ATP11C: variants seen among roughly 807,000 people sequenced by gnomAD.
ATP11C encodes the protein phospholipid-transporting ATPase IG.
Under a neutral mutation model 97.4 loss-of-function variants are expected in ATP11C, and 36 were observed. The observed-to-expected ratio is 0.37, with a 90% CI of 0.28 to 0.49. ATP11C has a LOEUF of 0.49. ATP11C is among the 20% of genes least tolerant of loss of function. The pLI is 0.98. For synonymous variants in ATP11C, 275 were observed against 290.9 expected, an observed-to-expected ratio of 0.95 and a Z score of 0.56; for missense variants, 730 against 824.6, an observed-to-expected ratio of 0.89 and a Z score of 1.40.
At position 139,787,223 on chromosome X, in the gene ATP11C, T is replaced by G. The variant is rs770221486; in HGVS notation, c.1542A>C (p.Gly514=). The change falls in exon 15 of 30, where the codon GGA becomes GGC. Residue 514 remains glycine (G), a synonymous_variant. Coordinates refer to ENST00000682941, the MANE Select transcript of ATP11C (RefSeq NM_001353812.2). ...GAKRYGFTFL[G]NRNGYMRVEN... ...CTACTCTCATATATCCATTTCGATTTCCTAAAAATGTGAACCCGTACCTAT... is the reference window on the plus strand; with the variant it reads ...CTACTCTCATATATCCATTTCGATTGCCTAAAAATGTGAACCCGTACCTAT... 8.4e-7 allele frequency: 1 copy of G among 1,190,291 alleles called. No homozygotes were observed. Among genetic ancestry groups the G allele is most frequent in the South Asian group, 1.8e-5 (1 of 56,069 alleles).
At chrX:139,848,535 G>T (rs73243385) in intron 1 of ATP11C, among the ~76,000 whole-genome samples, 1 of 108,549 alleles carries the variant, frequency 9.2e-6, no homozygotes, top group South Asian at 4.1e-4. Context: ...TGTTGCCCAG[G>T]TTGGAGTGCA....
intron 28 of ATP11C, among the ~76,000 whole-genome samples, chrX:139,735,261 C>T (rs1370434276): frequency 9.0e-6 from 1 of 111,658 alleles, no homozygotes; most frequent in East Asian, 2.8e-4. Context: ...TCTCAAATGC[C>T]ATAGAGACAT....
intron 12 of ATP11C, 124 bp from the exon 13 acceptor site, chrX:139,789,612 G>A: frequency 4.2e-6 from 2 of 478,255 alleles, no homozygotes; most frequent in South Asian, 1.0e-4. Flanking sequence ...CTTGTCAAAT[G>A]TCAGGGAATT....
chrX:139,838,664 AAC>A (rs1445846916), intron 1 of ATP11C, among the ~76,000 whole-genome samples: 25 of 112,848 alleles, frequency 2.2e-4, no homozygotes, highest in Non-Finnish European at 3.7e-4. Context: ...AAAAGGTGGA[AAC>A]AGTCTGGTGC....
At position 139,757,844 on chromosome X, in the gene ATP11C, CTG is replaced by C; in HGVS notation, c.2662_2663del (p.Gln888ValfsTer16). 1.7e-6 allele frequency: 2 copies of C among 1,186,087 alleles called. No individual in the cohort carries two copies. The highest frequency in any genetic ancestry group is 2.3e-6 in the Non-Finnish European group (2 of 881,605). ...FYKNLCFILP[Q>X]FLYQFFCGFS... ...ATCCACAGAAGAACTGGTACAAAAA[CTG>C]TGGCAAAATGAAACAAAGGTTCTGA... On this transcript the variant is annotated frameshift_variant, in exon 23 of 30. Transcript: ENST00000682941. LOFTEE classifies it high-confidence loss of function.
chrX:139,930,900 G>C (rs770520095), intron 1 of ATP11C, among the ~76,000 whole-genome samples: 1 of 112,534 alleles, frequency 8.9e-6, no homozygotes, highest in South Asian at 3.6e-4. Context: ...GCAACGTTTT[G>C]ATTAGGAATA....
rs975795374 is a variant in ATP11C at position 139,921,369 on chromosome X, T to C, written c.27+10647A>G. 2.7e-5 allele frequency among the ~76,000 whole-genome samples: 3 copies of C among 111,266 alleles called. No individual in the cohort carries two copies. The Admixed American group carries it at 2.9e-4, about 11-fold the overall frequency. ...GATCTGACGGTTTCATAAGGGCCTC[T>C]TCCCCCCTTCACTCGGCACTTCTCC... On this transcript the variant is annotated intron_variant, in intron 1 of 29. Coordinates refer to ENST00000682941, the MANE Select transcript of ATP11C (RefSeq NM_001353812.2).
intron 1 of ATP11C, among the ~76,000 whole-genome samples, chrX:139,857,894 G>A (rs2084119045): frequency 8.9e-6 from 1 of 112,364 alleles, no homozygotes; most frequent in South Asian, 3.7e-4. Context: ...TTATGGTTTG[G>A]ATATCCCCTC....
chrX:139,852,469 G>T (rs1363242315), intron 1 of ATP11C, among the ~76,000 whole-genome samples: 1 of 22,653 alleles, frequency 4.4e-5, no homozygotes, highest in East Asian at 3.2e-3. Flanking sequence ...GGGGGGGGGG[G>T]GGGGGGGGGG....
chrX:139,737,057 T>C (rs889104456), intron 28 of ATP11C, among the ~76,000 whole-genome samples: 4 of 110,305 alleles, frequency 3.6e-5, no homozygotes, highest in Non-Finnish European at 7.6e-5. Context: ...GCTTAGAATA[T>C]TACCTGAAAA....
chrX:139,882,560 CTT>C (rs747316502), intron 1 of ATP11C, among the ~76,000 whole-genome samples: 97 of 111,374 alleles, frequency 8.7e-4, no homozygotes, highest in African/African-American at 2.5e-3. Context: ...TAACAGCTGA[CTT>C]TGCACTCCCC....
chrX:139,874,954 T>C (rs2084444672), intron 1 of ATP11C, among the ~76,000 whole-genome samples: 2 of 110,997 alleles, frequency 1.8e-5, no homozygotes, highest in African/African-American at 6.6e-5. Flanking sequence ...TATTTAAATA[T>C]TCTTCCCTCA....
Position 139,785,353 on chromosome X carries a change from G to A in ATP11C, c.1593-54C>T. On this transcript the variant is annotated intron_variant, in intron 15 of 29. Transcript: ENST00000682941. Reference sequence around the variant, plus strand: ...CCTAGAATATACTGAGAAAAATAAAGCACAACAGAAATATGTTAAGATATT... The same window carrying A: ...CCTAGAATATACTGAGAAAAATAAAACACAACAGAAATATGTTAAGATATT... 6 of 880,126 alleles carry A rather than the reference G, an allele frequency of 6.8e-6. No homozygotes were observed. In the South Asian group the frequency reaches 1.3e-4, roughly 19 times the overall value. The allele number at this position is 880,126 out of a possible 1,213,427, so 72.5% of individuals were successfully genotyped here.
intron 28 of ATP11C, among the ~76,000 whole-genome samples, chrX:139,736,007 A>G (rs1214851841): frequency 1.8e-5 from 2 of 111,989 alleles, no homozygotes; most frequent in Non-Finnish European, 3.8e-5. Context: ...TTGTTCTAGC[A>G]TATCAGCATG....
intron 1 of ATP11C, among the ~76,000 whole-genome samples, chrX:139,849,764 A>G (rs1486480254): frequency 8.9e-6 from 1 of 112,775 alleles, no homozygotes; most frequent in Non-Finnish European, 1.9e-5. Context: ...CTGTGATGGT[A>G]TTAAGAGATA....
intron 26 of ATP11C, among the ~76,000 whole-genome samples, chrX:139,742,479 G>C (rs2081578247): frequency 9.0e-6 from 1 of 111,451 alleles, no homozygotes; most frequent in South Asian, 3.8e-4. Flanking sequence ...AATAAACCAG[G>C]AACAAAAATT....
intron 1 of ATP11C, among the ~76,000 whole-genome samples, chrX:139,859,682 C>G (rs1032568099): frequency 8.0e-5 from 9 of 112,239 alleles, no homozygotes; most frequent in African/African-American, 2.9e-4. Flanking sequence ...GAAGGATGAT[C>G]TCTCCTTACA....
chrX:139,845,521 A>G (rs1037451811), intron 1 of ATP11C, among the ~76,000 whole-genome samples: 4 of 112,123 alleles, frequency 3.6e-5, no homozygotes, highest in African/African-American at 9.7e-5. Flanking sequence ...CAATTATTCC[A>G]GTGAGTAGAG....
At chrX:139,880,170 T>C (rs890390768) in intron 1 of ATP11C, among the ~76,000 whole-genome samples, 6 of 110,586 alleles carry the variant, frequency 5.4e-5, no homozygotes, top group Non-Finnish European at 1.1e-4. Context: ...AGATGAAAGA[T>C]GATGAGGGCC....
Sources: allele counts gnomAD v4.1 joint callset (sites outside exome capture counted in the v4.1 genomes callset), GRCh38; gene constraint gnomAD v4.1.1; transcripts MANE v1.5; gene names NCBI Gene and HGNC (gene_info 2026-07-23, HGNC 2026-07-21).